The following CACNA1D variants were observed in gnomAD, a reference collection of about 807,000 sequenced individuals.
The protein encoded by CACNA1D is voltage-dependent L-type calcium channel subunit alpha-1D.
CACNA1D carries 55 observed loss-of-function variants against 257.1 expected under a neutral mutation model. The observed-to-expected ratio is 0.21, with a 90% CI of 0.17 to 0.27. The LOEUF (loss-of-function observed/expected upper bound fraction) is 0.27. CACNA1D is among the 10% of genes least tolerant of loss of function. The pLI is 1.00. For missense variants in CACNA1D, 1,876 were observed against 2,784.0 expected, an observed-to-expected ratio of 0.67 and a Z score of 7.34; for synonymous variants, 980 against 1,014.9, an observed-to-expected ratio of 0.97 and a Z score of 0.65.
chr3:53,735,409 A>G lies in CACNA1D; in HGVS notation c.2657A>G (p.His886Arg). Reference protein sequence around the residue: ...RVGCHKLINHHIFTNLILVFI... With the variant: ...RVGCHKLINHRIFTNLILVFI... The stretch of plus-strand genomic sequence containing the variant: ...GGCTGCCACAAGCTCATCAACCACC[A>G]CATCTTCACCAACCTCATCCTTGTC... Residue 886 changes from histidine (H) to arginine (R), a missense_variant, in exon 20 of 48, where the codon CAC becomes CGC. Around this residue, in one of 10 missense-constraint regions of CACNA1D, gnomAD observed 271 missense variants for 425.5 expected, o/e 0.64. Coordinates refer to ENST00000350061, the MANE Select transcript of CACNA1D (RefSeq NM_001128840.3). 5 of 1,614,014 alleles carry G rather than the reference A, an allele frequency of 3.1e-6. No individual in the cohort carries two copies. Among genetic ancestry groups the G allele is most frequent in the Non-Finnish European group, 4.2e-6 (5 of 1,179,876 alleles).
rs569701530 is a variant in CACNA1D, at chr3:53,735,525, C to T, written c.2751+22C>T. On this transcript the variant is annotated intron_variant, in intron 20 of 47. Transcript: ENST00000350061. ...CACGGTAAGTCCCCAGGGTGGGGCT[C>T]GCTCTGGGATAGCCCTGGCCTCTCT... 1.1e-5 allele frequency: 17 copies of T among 1,613,236 alleles called. 1 individual carries two copies. The highest frequency in any genetic ancestry group is 6.7e-5 in the African/African-American group (5 of 75,058).
chr3:53,705,388 T>C (rs1454251500), intron 9 of CACNA1D, among the ~76,000 whole-genome samples: 2 of 150,846 alleles, frequency 1.3e-5, no homozygotes, highest in Non-Finnish European at 2.9e-5. Flanking sequence ...ACAAAACCTG[T>C]TTAAAAGCCT....
At chr3:53,520,712 G>A (rs1266575304) in intron 3 of CACNA1D, among the ~76,000 whole-genome samples, 2 of 151,804 alleles carry the variant, frequency 1.3e-5, no homozygotes, top group African/African-American at 4.8e-5. Context: ...GTTGCAGTGA[G>A]CCTAGATCAT....
At position 53,660,079 on chromosome 3, in the gene CACNA1D, T is replaced by C. The variant is rs1308341917; in HGVS notation, c.624-54T>C. On this transcript the variant is annotated intron_variant, in intron 4 of 47. Transcript: ENST00000350061. ...AAATAAATAAGATTATCATCCTGTT[T>C]TGCGTCCCTGGGGTAACAGACTCTA... 2.2e-5 allele frequency: 33 copies of C among 1,518,996 alleles called. No individual in the cohort carries two copies. The Admixed American group carries it at 5.0e-4, about 23-fold the overall frequency. 94.1% of individuals were successfully genotyped at this position (1,518,996 alleles called of 1,614,324 possible). A position where few individuals can be genotyped will look rare whatever the true frequency, so the allele number is the denominator to read the frequency against.
At chr3:53,590,238 G>A (rs780350895) in intron 3 of CACNA1D, among the ~76,000 whole-genome samples, 38 of 152,136 alleles carry the variant, frequency 2.5e-4, no homozygotes, top group African/African-American at 2.4e-4. Flanking sequence ...TCCCACCTTG[G>A]AGCTTCTAGA....
At chr3:53,668,942 C>T (rs1381851366) in intron 7 of CACNA1D, among the ~76,000 whole-genome samples, 1 of 152,114 alleles carries the variant, frequency 6.6e-6, no homozygotes, top group Non-Finnish European at 1.5e-5. Flanking sequence ...TAGCTTGAGG[C>T]CATATAAAAG....
At position 53,701,794 on chromosome 3, in the gene CACNA1D, T is replaced by C. The variant is rs549243661; in HGVS notation, c.1221-847T>C. 3.3e-5 allele frequency among the ~76,000 whole-genome samples: 5 copies of C among 152,348 alleles called. No homozygotes were observed. In the East Asian group the frequency reaches 9.6e-4, roughly 29 times the overall value. On this transcript the variant is annotated intron_variant, in intron 8 of 47. Transcript: ENST00000350061. ...GTATGTGGGGTTTTGTATATATGCA[T>C]AGTCAGAGGCTTGCACACATGGTGG...
chr3:53,673,632 C>A lies in CACNA1D; in HGVS notation c.1220+506C>A. The A allele has an allele frequency of 2.0e-6, 2 of 1,012,148 alleles. No homozygotes were observed. Among genetic ancestry groups the A allele is most frequent in the South Asian group, 1.3e-5 (1 of 78,656 alleles). 62.7% of individuals were successfully genotyped at this position (1,012,148 alleles called of 1,614,324 possible). A position where few individuals can be genotyped will look rare whatever the true frequency, so the allele number is the denominator to read the frequency against. On this transcript the variant is annotated intron_variant, in intron 8 of 47. Transcript: ENST00000350061. The surrounding 1 kb of genome is among the most constrained non-coding windows in gnomAD (Gnocchi z 4.1). ...AGGAGCACTAACCTTCAGCAAAGCA[C>A]TGAGAGGTTTGGCAGCTGCAACTGG...
At chr3:53,726,637 AAAAC>A (rs1205654290) in intron 14 of CACNA1D, among the ~76,000 whole-genome samples, 7 of 151,946 alleles carry the variant, frequency 4.6e-5, no homozygotes, top group African/African-American at 1.7e-4. Context: ...CTCCATCTCA[AAAAC>A]AAACAAACAC....
At chr3:53,787,563 C>G (rs1001618390) in intron 40 of CACNA1D, among the ~76,000 whole-genome samples, 4 of 152,108 alleles carry the variant, frequency 2.6e-5, no homozygotes. Flanking sequence ...TGGTCCCTCT[C>G]CCTCCTCCAC....
At chr3:53,801,022 T>C in intron 41 of CACNA1D, 36 bp from the exon 42 acceptor site, 1 of 1,611,598 alleles carries the variant, frequency 6.2e-7, no homozygotes, top group Non-Finnish European at 8.5e-7. Flanking sequence ...CAAATACTTG[T>C]TAAATTACCT....
At chr3:53,759,739 C>T (rs917438665) in intron 29 of CACNA1D, among the ~76,000 whole-genome samples, 2 of 152,258 alleles carry the variant, frequency 1.3e-5, no homozygotes, top group Non-Finnish European at 2.9e-5. Context: ...GCAACAAGAG[C>T]TGTCAGCTCT....
At chr3:53,801,557 G>C in intron 42 of CACNA1D, 132 bp downstream of exon 42, 1 of 1,168,510 alleles carries the variant, frequency 8.6e-7, no homozygotes, top group Non-Finnish European at 1.3e-6. Flanking sequence ...ATTTGTGTCA[G>C]GATCTGTGAG....
Position 53,587,892 on chromosome 3 carries a change from C to T in CACNA1D, c.484-62887C>T, listed in dbSNP as rs547631224. On this transcript the variant is annotated intron_variant, in intron 3 of 47. Coordinates refer to ENST00000350061, the MANE Select transcript of CACNA1D (RefSeq NM_001128840.3). Reference sequence around the variant, plus strand: ...CCAGTGATGGTGATCTCAGAACTCACGGTTGGTTGTACGAATGCTGGTTCC... The same window carrying T: ...CCAGTGATGGTGATCTCAGAACTCATGGTTGGTTGTACGAATGCTGGTTCC... Among the ~76,000 whole-genome samples the T allele has an allele frequency of 2.2e-4, 33 of 152,178 alleles. No homozygotes were observed. The South Asian group carries it at 3.7e-3, about 17-fold the overall frequency.
chr3:53,779,207 G>GA (rs2095413444), intron 37 of CACNA1D, among the ~76,000 whole-genome samples: 1 of 151,876 alleles, frequency 6.6e-6, no homozygotes. Flanking sequence ...TGAGATTAGT[G>GA]AAAAAAAGGA....
At chr3:53,587,175 CAT>C (rs746055490) in intron 3 of CACNA1D, among the ~76,000 whole-genome samples, 2 of 152,116 alleles carry the variant, frequency 1.3e-5, no homozygotes, top group Admixed American at 6.5e-5. Flanking sequence ...TAGGCAGAAA[CAT>C]GTGGGGAGGG....
intron 8 of CACNA1D, among the ~76,000 whole-genome samples, chr3:53,687,531 AT>A (rs1211147412): frequency 2.7e-5 from 4 of 149,430 alleles, no homozygotes; most frequent in African/African-American, 9.9e-5. Flanking sequence ...AAAAAAAAAA[AT>A]AAGCTGGAGA....
chr3:53,712,586 C>T (rs1051212676), intron 9 of CACNA1D, among the ~76,000 whole-genome samples: 4 of 152,038 alleles, frequency 2.6e-5, no homozygotes, highest in African/African-American at 4.8e-5. Context: ...CAGGCCTGTA[C>T]GTCATGGTAC....
At chr3:53,501,472 G>A (rs887829172) in intron 2 of CACNA1D, 143 bp from the exon 3 acceptor site, 4 of 634,432 alleles carry the variant, frequency 6.3e-6, no homozygotes, top group African/African-American at 1.8e-5. Flanking sequence ...CGAAAACCTA[G>A]CAGTCACAGC....
Sources: gnomAD v4.1 joint callset for allele counts (sites outside exome capture counted in the v4.1 genomes callset) on GRCh38, gnomAD v4.1.1 for gene constraint, gnomAD v4.1.1 regional missense constraint, Gnocchi (gnomAD v3.1) non-coding constraint, MANE v1.5 for transcripts, NCBI Gene and HGNC (gene_info 2026-07-23, HGNC 2026-07-21) for gene names.